LRRC4C: variants seen among roughly 807,000 people sequenced by gnomAD.
The protein encoded by LRRC4C is leucine rich repeat containing 4C.
LRRC4C carries 5 observed loss-of-function variants against 33.6 expected under a neutral mutation model. That is an observed-to-expected ratio of 0.15 (90% confidence interval 0.08 to 0.31). LRRC4C has a LOEUF of 0.31. Ranked by LOEUF, LRRC4C falls within the 10% of genes least tolerant of loss-of-function variation. LRRC4C has a pLI of 1.00. For missense variants in LRRC4C, 560 were observed against 796.7 expected, an observed-to-expected ratio of 0.70 and a Z score of 3.58; for synonymous variants, 329 against 302.0, an observed-to-expected ratio of 1.09 and a Z score of -0.93.
intron 5 of LRRC4C, among the ~76,000 whole-genome samples, chr11:40,167,320 G>C (rs1485514951): frequency 6.6e-6 from 1 of 152,108 alleles, no homozygotes; most frequent in Admixed American, 6.5e-5. Context: ...GATGCAGAAT[G>C]GAAAATATTG....
At chr11:40,833,132 G>C (rs1952494961) in intron 2 of LRRC4C, among the ~76,000 whole-genome samples, 1 of 152,088 alleles carries the variant, frequency 6.6e-6, no homozygotes, top group Non-Finnish European at 1.5e-5. Context: ...AAGGCATAGT[G>C]GATCTTGACT....
At chr11:41,405,447 T>C (rs1170437884) in intron 1 of LRRC4C, among the ~76,000 whole-genome samples, 1 of 152,122 alleles carries the variant, frequency 6.6e-6, no homozygotes, top group Non-Finnish European at 1.5e-5. Flanking sequence ...ATTCAATCTC[T>C]CCAGGTTACT....
chr11:40,449,372 C>T (rs1284516008), intron 3 of LRRC4C, among the ~76,000 whole-genome samples: 4 of 149,522 alleles, frequency 2.7e-5, no homozygotes, highest in Non-Finnish European at 5.9e-5. Context: ...ACTAAATCAA[C>T]AAATGAAGAC....
At chr11:40,782,337 C>T (rs1184891784) in intron 2 of LRRC4C, among the ~76,000 whole-genome samples, 9 of 152,106 alleles carry the variant, frequency 5.9e-5, no homozygotes, top group African/African-American at 2.2e-4. Flanking sequence ...TTATTCTGAG[C>T]TGCTTCAGGC....
chr11:41,359,290 C>T (rs1199892061), intron 1 of LRRC4C, among the ~76,000 whole-genome samples: 1 of 151,960 alleles, frequency 6.6e-6, no homozygotes, highest in East Asian at 1.9e-4. Flanking sequence ...ATATATTTGC[C>T]CAAACCAGTA....
At chr11:41,327,477 T>A (rs369814927) in intron 1 of LRRC4C, among the ~76,000 whole-genome samples, 6 of 152,228 alleles carry the variant, frequency 3.9e-5, no homozygotes, top group Admixed American at 2.6e-4. Context: ...GAAACCCAAG[T>A]GTACAAATAA....
At chr11:41,371,792 C>T (rs937686506) in intron 1 of LRRC4C, among the ~76,000 whole-genome samples, 1 of 152,176 alleles carries the variant, frequency 6.6e-6, no homozygotes, top group Non-Finnish European at 1.5e-5. Flanking sequence ...GAGATTTTTA[C>T]CACATATTCA....
intron 4 of LRRC4C, among the ~76,000 whole-genome samples, chr11:40,282,010 G>T (rs1850261747): frequency 6.6e-6 from 1 of 152,088 alleles, no homozygotes; most frequent in Admixed American, 6.6e-5. Flanking sequence ...AGTTGTCTTG[G>T]GAGGTTGCCT....
intron 1 of LRRC4C, among the ~76,000 whole-genome samples, chr11:40,948,452 G>A (rs1193972034): frequency 6.7e-6 from 1 of 150,098 alleles, no homozygotes; most frequent in African/African-American, 2.5e-5. Context: ...GTGCCATGCT[G>A]GTGCGCTGCA....
chr11:40,180,259 C>T (rs1860875755), intron 5 of LRRC4C, among the ~76,000 whole-genome samples: 1 of 152,158 alleles, frequency 6.6e-6, no homozygotes, highest in Admixed American at 6.5e-5. Flanking sequence ...TGTATCGTAA[C>T]ACAAAGCTAT....
intron 1 of LRRC4C, among the ~76,000 whole-genome samples, chr11:41,281,849 C>T (rs1949687209): frequency 6.6e-6 from 1 of 152,158 alleles, no homozygotes; most frequent in Non-Finnish European, 1.5e-5. Flanking sequence ...CATGCTCAGG[C>T]TATAAATACT....
intron 3 of LRRC4C, among the ~76,000 whole-genome samples, chr11:40,327,655 T>C (rs897175693): frequency 6.6e-6 from 1 of 152,070 alleles, no homozygotes; most frequent in Non-Finnish European, 1.5e-5. Flanking sequence ...ACATTTACTG[T>C]GAATTAGCTA....
chr11:41,310,758 C>T (rs989092906), intron 1 of LRRC4C, among the ~76,000 whole-genome samples: 1 of 152,054 alleles, frequency 6.6e-6, no homozygotes, highest in African/African-American at 2.4e-5. Flanking sequence ...ATAAAAAAAA[C>T]CAACATTGTG....
intron 3 of LRRC4C, among the ~76,000 whole-genome samples, chr11:40,548,846 T>C (rs534230581): frequency 3.0e-4 from 46 of 152,264 alleles, no homozygotes; most frequent in African/African-American, 1.0e-3. Flanking sequence ...TGTTAGTGCA[T>C]GTACTCCCTG....
chr11:40,577,832 CTTTTTTTTTTT>C (rs56061263), intron 3 of LRRC4C, among the ~76,000 whole-genome samples: 3 of 119,366 alleles, frequency 2.5e-5, no homozygotes, highest in African/African-American at 6.4e-5. Flanking sequence ...TTTCTTTTTT[CTTTTTTTTTTT>C]TTTTTTTTTT....
At chr11:40,889,176 T>C (rs1955588663) in intron 2 of LRRC4C, among the ~76,000 whole-genome samples, 1 of 152,042 alleles carries the variant, frequency 6.6e-6, no homozygotes, top group African/African-American at 2.4e-5. Context: ...AAGAAAAGAG[T>C]TAGATATGTT....
chr11:40,680,683 A>C (rs1944643472), intron 2 of LRRC4C, among the ~76,000 whole-genome samples: 1 of 152,188 alleles, frequency 6.6e-6, no homozygotes, highest in Non-Finnish European at 1.5e-5. Flanking sequence ...CATGATTGTG[A>C]GGCCCCATCA....
chr11:41,196,377 A>G (rs538830275), intron 1 of LRRC4C, among the ~76,000 whole-genome samples: 74 of 152,202 alleles, frequency 4.9e-4, no homozygotes, highest in Admixed American at 4.1e-3. Context: ...TATCTTATCC[A>G]AAGACACTCA....
chr11:40,639,539 G>T (rs890760971), intron 3 of LRRC4C, among the ~76,000 whole-genome samples: 5 of 152,104 alleles, frequency 3.3e-5, no homozygotes, highest in African/African-American at 9.7e-5. Flanking sequence ...ACACCCATTC[G>T]CTCGACAATT....
Sources: allele counts gnomAD v4.1 joint callset (sites outside exome capture counted in the v4.1 genomes callset), GRCh38; gene constraint gnomAD v4.1.1; transcripts MANE v1.5; gene names NCBI Gene and HGNC (gene_info 2026-07-23, HGNC 2026-07-21).